The following ZNF18 variants were observed in gnomAD, a reference collection of about 807,000 sequenced individuals.
The protein encoded by ZNF18 is zinc finger protein 18.
Under a neutral mutation model 58.1 loss-of-function variants are expected in ZNF18, and 42 were observed. The observed-to-expected ratio is 0.72, with a 90% CI of 0.56 to 0.93. ZNF18 has a LOEUF of 0.93. Among genes scored for constraint, ZNF18 ranks in the 40% least tolerant of loss-of-function variants. The pLI is 0.00. For synonymous variants in ZNF18, 231 were observed against 239.8 expected (o/e 0.96, Z 0.34); for missense variants, 540 against 644.2 (o/e 0.84, Z 1.75).
the ZNF18 span, chr17:12,020,948 C>T: frequency 3.3e-6 from 4 of 1,217,576 alleles, no homozygotes; most frequent in Non-Finnish European, 3.1e-6. Context: ...AGCGGCACCC[C>T]CGGCCCCGTA....
At chr17:12,017,048 A>G in the ZNF18 span, among the ~76,000 whole-genome samples, 6 of 151,936 alleles carry the variant, frequency 3.9e-5, no homozygotes, top group Non-Finnish European at 1.5e-5. Flanking sequence ...ATTACAAAAA[A>G]TTAGCTGGGC....
chr17:11,990,370 C>T (rs1364095655), intron 4 of ZNF18, 92 bp downstream of exon 4: 1 of 1,124,298 alleles, frequency 8.9e-7, no homozygotes, highest in African/African-American at 1.6e-5. Flanking sequence ...CAGAGGTTTC[C>T]TCAGGATGGA....
the ZNF18 span, among the ~76,000 whole-genome samples, chr17:12,006,220 G>C: frequency 6.6e-6 from 1 of 152,152 alleles, no homozygotes; most frequent in Admixed American, 6.5e-5. Flanking sequence ...TGGGCAAGAA[G>C]GATAATAATA....
intron 4 of ZNF18, among the ~76,000 whole-genome samples, chr17:11,987,279 C>A (rs551726291): frequency 2.6e-5 from 4 of 152,290 alleles, no homozygotes; most frequent in African/African-American, 9.6e-5. Flanking sequence ...GAGGTTCCAA[C>A]CGAGTCATGG....
At chr17:12,015,321 C>A in the ZNF18 span, among the ~76,000 whole-genome samples, 1 of 152,258 alleles carries the variant, frequency 6.6e-6, no homozygotes, top group East Asian at 1.9e-4. Context: ...ATGTGAGGCC[C>A]TTTCTTGGCT....
chr17:12,017,668 G>A, the ZNF18 span, among the ~76,000 whole-genome samples: 8 of 151,824 alleles, frequency 5.3e-5, no homozygotes, highest in South Asian at 6.2e-4. Flanking sequence ...ACCTAAGGTC[G>A]GGAGTTCGAG....
At chr17:11,994,217 G>A (rs1968320092) in intron 1 of ZNF18, among the ~76,000 whole-genome samples, 1 of 152,130 alleles carries the variant, frequency 6.6e-6, no homozygotes, top group African/African-American at 2.4e-5. Context: ...ATTTCTTAAG[G>A]TGTAGGAAAC....
the ZNF18 span, among the ~76,000 whole-genome samples, chr17:12,012,325 C>T: frequency 1.3e-5 from 2 of 152,178 alleles, no homozygotes. Context: ...CCTCTTCTTA[C>T]AGCTGGGTAG....
Position 11,984,101 on chromosome 17 carries a change from C to T in ZNF18, c.751+12G>A. 6.2e-7 allele frequency: 1 copy of T among 1,610,004 alleles called. No individual in the cohort carries two copies. Among genetic ancestry groups the T allele is most frequent in the Non-Finnish European group, 8.5e-7 (1 of 1,178,298 alleles). Reference sequence around the variant, plus strand: ...TTCTACCTCCTTCCATCAGACTAACCCACACCCTCACCTCCTGAGACCATT... The same window carrying T: ...TTCTACCTCCTTCCATCAGACTAACTCACACCCTCACCTCCTGAGACCATT... On this transcript the variant is annotated intron_variant, in intron 5 of 6. Coordinates refer to ENST00000580306, the MANE Select transcript of ZNF18 (RefSeq NM_001303281.2).
At chr17:12,020,737 G>A in the ZNF18 span, 4 of 381,646 alleles carry the variant, frequency 1.0e-5, no homozygotes, top group African/African-American at 2.1e-5. Context: ...GCTGCGCGTC[G>A]GGCTCTGGCG....
rs372507981 is a variant in ZNF18 at position 11,978,565 on chromosome 17, G to C, written c.1042C>G (p.Gln348Glu). Residue 348 changes from glutamine to glutamate, a missense_variant, in exon 7 of 7, where the codon CAA (glutamine) becomes GAA (glutamate). Transcript: ENST00000580306. ...GEGENLPEALQNIQDEGTGEQ... is the reference protein window; with the variant it reads ...GEGENLPEALENIQDEGTGEQ... ...CCTGTTCCCTCATCCTGAATGTTTT[G>C]CAGAGCCTCAGGGAGATTCTCTCCT... The C allele has an allele frequency of 5.6e-6, 9 of 1,613,632 alleles. No individual in the cohort carries two copies. The African/African-American group carries it at 1.1e-4, about 19-fold the overall frequency.
At chr17:11,996,357 C>A (rs1968469451) in intron 1 of ZNF18, among the ~76,000 whole-genome samples, 1 of 152,160 alleles carries the variant, frequency 6.6e-6, no homozygotes, top group South Asian at 2.1e-4. Context: ...AGATACCGAC[C>A]TGTAAACTTA....
chr17:11,999,741 G>A (rs7221023), upstream of ZNF18, among the ~76,000 whole-genome samples: 1,701 of 152,292 alleles, frequency 0.011, 30 homozygotes, highest in African/African-American at 0.038. Flanking sequence ...GTAATTATAG[G>A]TGTTGTGAAG....
intron 2 of ZNF18, among the ~76,000 whole-genome samples, chr17:11,991,979 G>A (rs1171796359): frequency 2.6e-5 from 4 of 151,952 alleles, no homozygotes; most frequent in Non-Finnish European, 4.4e-5. Context: ...AGCACGCCAG[G>A]AGAAGCATGG....
At position 11,984,864 on chromosome 17, in the gene ZNF18, C is replaced by G. The variant is rs80326625; in HGVS notation, c.667-667G>C. ...TTTTAACTCAAGTGCTTGTACTAGA[C>G]GTCTTTGAGGAGGAAGAGTCTGATA... On this transcript the variant is annotated intron_variant, in intron 4 of 6. Transcript: ENST00000580306. Among the ~76,000 whole-genome samples the G allele has an allele frequency of 8.4e-3, 1,283 of 152,050 alleles. 21 individuals carry two copies. The highest frequency in any genetic ancestry group is 0.03 in the African/African-American group (1,233 of 41,458).
the ZNF18 span, among the ~76,000 whole-genome samples, chr17:12,007,615 C>T: frequency 2.6e-5 from 4 of 152,166 alleles, no homozygotes; most frequent in African/African-American, 9.7e-5. Context: ...CCTTGAAAGC[C>T]AGGACTCCTG....
chr17:12,003,482 G>T, the ZNF18 span, among the ~76,000 whole-genome samples: 9 of 151,974 alleles, frequency 5.9e-5, no homozygotes, highest in Admixed American at 5.9e-4. Flanking sequence ...TTCAGGTGGG[G>T]CTAGGAAATG....
chr17:11,978,595 C>T lies in ZNF18; in HGVS notation c.1012G>A (p.Gly338Arg). Residue 338 changes from glycine (G) to arginine (R), a missense_variant, in exon 7 of 7, where the codon GGA becomes AGA. Gly to Arg is a moderately radical substitution (Grantham distance 125). Transcript: ENST00000580306. Reference protein sequence around the residue: ...FFTEDEPGCFGEGENLPEALQ... With the variant: ...FFTEDEPGCFREGENLPEALQ... ...GCCTCAGGGAGATTCTCTCCTTCTC[C>T]AAAGCATCCTGGCTCATCCTCAGTG... 6.2e-7 allele frequency: 1 copy of T among 1,614,074 alleles called. No individual in the cohort carries two copies. Among genetic ancestry groups the T allele is most frequent in the Non-Finnish European group, 8.5e-7 (1 of 1,180,024 alleles).
intron 1 of ZNF18, chr17:11,997,203 C>T (rs1237971136): frequency 1.3e-5 from 2 of 152,476 alleles, no homozygotes; most frequent in Non-Finnish European, 2.9e-5. Flanking sequence ...GAATGCAGAG[C>T]CGGGACGGGG....
Sources: allele counts gnomAD v4.1 joint callset (sites outside exome capture counted in the v4.1 genomes callset), GRCh38; gene constraint gnomAD v4.1.1; transcripts MANE v1.5; gene names NCBI Gene and HGNC (gene_info 2026-07-23, HGNC 2026-07-21).